RSU1: variants seen among roughly 807,000 people sequenced by gnomAD.
RSU1 encodes the protein rsu-1.
In RSU1, 26 loss-of-function variants were observed where a neutral mutation model predicts 31.1. The ratio of observed to expected loss-of-function variants is 0.84; its 90% CI spans 0.61 to 1.16. RSU1 has a LOEUF of 1.16. RSU1 is among the 50% of genes most tolerant of loss of function. The pLI is 0.00. For synonymous variants in RSU1, 164 were observed against 136.3 expected, an observed-to-expected ratio of 1.20 and a Z score of -1.41; for missense variants, 320 against 339.1, an observed-to-expected ratio of 0.94 and a Z score of 0.44.
At chr10:16,802,133 T>C (rs1490621933) in intron 2 of RSU1, among the ~76,000 whole-genome samples, 2 of 149,522 alleles carry the variant, frequency 1.3e-5, no homozygotes, top group Non-Finnish European at 3.0e-5. Context: ...AATCTCTGAG[T>C]ACAAAAGCTG....
At chr10:16,677,891 G>C (rs1835262192) in intron 8 of RSU1, among the ~76,000 whole-genome samples, 1 of 151,846 alleles carries the variant, frequency 6.6e-6, no homozygotes, top group South Asian at 2.1e-4. Flanking sequence ...GTTTCTATTG[G>C]GAATGCACAA....
At position 16,683,160 on chromosome 10, in the gene RSU1, G is replaced by GGTGTGTGT. The variant is rs4012467; in HGVS notation, c.731+11855_731+11862dup. On this transcript the variant is annotated intron_variant, in intron 8 of 8. Coordinates refer to ENST00000345264, the MANE Select transcript of RSU1 (RefSeq NM_012425.4). The stretch of plus-strand genomic sequence containing the variant: ...AGCCTTAAGAGAGGAATGGGTGTGT[G>GGTGTGTGT]GTGTGTGTGTGTGTGTGTGTGTGTT... Among the ~76,000 whole-genome samples the GGTGTGTGT allele has an allele frequency of 3.5e-4, 50 of 143,446 alleles. 1 individual carries two copies. Among genetic ancestry groups the GGTGTGTGT allele is most frequent in the African/African-American group, 9.9e-4 (38 of 38,482 alleles). The allele number at this position is 143,446 out of a possible 152,430, so 94.1% of individuals were successfully genotyped here.
chr10:16,665,734 C>T (rs1211915858), intron 8 of RSU1, among the ~76,000 whole-genome samples: 1 of 152,100 alleles, frequency 6.6e-6, no homozygotes, highest in Non-Finnish European at 1.5e-5. Context: ...TCATATTAGG[C>T]AAAACGGAAA....
intron 8 of RSU1, among the ~76,000 whole-genome samples, chr10:16,638,126 A>G (rs1834377964): frequency 6.6e-6 from 1 of 152,138 alleles, no homozygotes; most frequent in South Asian, 2.1e-4. Context: ...AGATTTATAT[A>G]TTTTATAGGC....
At chr10:16,710,986 G>A (rs377288419) in intron 7 of RSU1, among the ~76,000 whole-genome samples, 2 of 152,244 alleles carry the variant, frequency 1.3e-5, no homozygotes, top group East Asian at 3.9e-4. Flanking sequence ...TTCCTGCAAA[G>A]GACATAAAGT....
At chr10:16,777,530 C>G (rs1202577653) in intron 3 of RSU1, among the ~76,000 whole-genome samples, 1 of 152,054 alleles carries the variant, frequency 6.6e-6, no homozygotes, top group African/African-American at 2.4e-5. Flanking sequence ...GGTGCAGGGC[C>G]GGAGAGCCTG....
At chr10:16,748,799 C>T (rs1176078486) in intron 7 of RSU1, among the ~76,000 whole-genome samples, 1 of 152,086 alleles carries the variant, frequency 6.6e-6, no homozygotes, top group Non-Finnish European at 1.5e-5. Flanking sequence ...GCATAAAGGG[C>T]ACCACCCTAT....
chr10:16,674,399 G>GTT (rs79255856), intron 8 of RSU1, among the ~76,000 whole-genome samples: 55 of 139,944 alleles, frequency 3.9e-4, no homozygotes, highest in African/African-American at 1.2e-3. Flanking sequence ...GTCACGGAAG[G>GTT]TTTTTTTTTT....
intron 8 of RSU1, among the ~76,000 whole-genome samples, chr10:16,687,791 C>G (rs1835466267): frequency 6.6e-6 from 1 of 152,100 alleles, no homozygotes; most frequent in Admixed American, 6.5e-5. Flanking sequence ...GTGATCTTGG[C>G]TCATTGCAAC....
intron 7 of RSU1, chr10:16,723,024 ATATG>A (rs1055939236): frequency 6.6e-6 from 1 of 150,950 alleles, no homozygotes; most frequent in African/African-American, 2.4e-5. Flanking sequence ...ATACACACAT[ATATG>A]TATATGTATA....
At chr10:16,794,616 A>G (rs1837989092) in intron 2 of RSU1, among the ~76,000 whole-genome samples, 1 of 152,248 alleles carries the variant, frequency 6.6e-6, no homozygotes, top group African/African-American at 2.4e-5. Context: ...ACAGATAAGA[A>G]AACAGTGGGC....
chr10:16,635,173 A>G (rs1834325486), intron 8 of RSU1, among the ~76,000 whole-genome samples: 1 of 152,238 alleles, frequency 6.6e-6, no homozygotes, highest in African/African-American at 2.4e-5. Context: ...TACATGTGCA[A>G]TGGAATATTG....
chr10:16,644,399 C>T (rs1483104355), intron 8 of RSU1, among the ~76,000 whole-genome samples: 1 of 152,222 alleles, frequency 6.6e-6, no homozygotes, highest in African/African-American at 2.4e-5. Context: ...GGTGATTACA[C>T]ATTACGTGAG....
intron 8 of RSU1, among the ~76,000 whole-genome samples, chr10:16,615,554 T>A (rs978821157): frequency 3.3e-5 from 5 of 151,978 alleles, no homozygotes; most frequent in Non-Finnish European, 7.3e-5. Context: ...TCTACAGAAC[T>A]CTTCACTCCA....
In RSU1 at chr10:16,810,420, T is replaced by C. The variant is rs139861933; in HGVS notation, c.109+6553A>G. Among the ~76,000 whole-genome samples the C allele has an allele frequency of 8.0e-4, 122 of 152,240 alleles. 1 individual carries two copies. Among genetic ancestry groups the C allele is most frequent in the African/African-American group, 2.9e-3 (119 of 41,540 alleles). On this transcript the variant is annotated intron_variant, in intron 2 of 8. Transcript: ENST00000345264. Reference sequence around the variant, plus strand: ...ATGTCTGCCATTCTCAACAGAAACTTGGCCACAAGCACATCCCAACGAAAA... The same window carrying C: ...ATGTCTGCCATTCTCAACAGAAACTCGGCCACAAGCACATCCCAACGAAAA...
At chr10:16,713,276 A>G (rs1164651653) in intron 7 of RSU1, among the ~76,000 whole-genome samples, 1 of 152,148 alleles carries the variant, frequency 6.6e-6, no homozygotes, top group African/African-American at 2.4e-5. Flanking sequence ...CTATTATTTC[A>G]TTACATAGGT....
rs190840180 is a variant in RSU1 at position 16,750,856 on chromosome 10, G to T, written c.598+1683C>A. Among the ~76,000 whole-genome samples, 834 of 148,872 alleles carry T rather than the reference G, an allele frequency of 5.6e-3. 4 individuals carry two copies. Among genetic ancestry groups the T allele is most frequent in the Non-Finnish European group, 8.9e-3 (600 of 67,704 alleles). ...TCTGTGGTTATTAACCACTGTACAAGATCTCTCTTTTTTTTTTTTTTTTCC... is the reference window on the plus strand; with the variant it reads ...TCTGTGGTTATTAACCACTGTACAATATCTCTCTTTTTTTTTTTTTTTTCC... On this transcript the variant is annotated intron_variant, in intron 7 of 8. Transcript: ENST00000345264.
chr10:16,719,091 T>G (rs1477622565), intron 7 of RSU1, among the ~76,000 whole-genome samples: 3 of 152,010 alleles, frequency 2.0e-5, no homozygotes, highest in Non-Finnish European at 4.4e-5. Flanking sequence ...GAGGATTGCT[T>G]GACGGCAGGA....
At chr10:16,730,034 T>A (rs1836476951) in intron 7 of RSU1, among the ~76,000 whole-genome samples, 1 of 152,178 alleles carries the variant, frequency 6.6e-6, no homozygotes, top group Non-Finnish European at 1.5e-5. Context: ...AGCATCTGCT[T>A]CTTGTGAGGG....
Sources: allele counts gnomAD v4.1 joint callset (sites outside exome capture counted in the v4.1 genomes callset), GRCh38; gene constraint gnomAD v4.1.1; transcripts MANE v1.5; gene names NCBI Gene and HGNC (gene_info 2026-07-23, HGNC 2026-07-21).